CAMTA1: variants seen among roughly 807,000 people sequenced by gnomAD.
CAMTA1 encodes the protein calmodulin binding transcription activator 1.
CAMTA1 carries 27 observed loss-of-function variants against 170.9 expected under a neutral mutation model. That is an observed-to-expected ratio of 0.16 (90% CI 0.12 to 0.22). CAMTA1 has a LOEUF of 0.22. Among genes scored for constraint, CAMTA1 ranks in the 10% least tolerant of loss-of-function variants. The probability of loss-of-function intolerance (pLI) is 1.00; values close to 1 mark genes in which losing one functional copy is unlikely to be tolerated. For missense variants in CAMTA1, 1,619 were observed against 2,217.2 expected, an observed-to-expected ratio of 0.73 and a Z score of 5.42; for synonymous variants, 833 against 891.5, an observed-to-expected ratio of 0.93 and a Z score of 1.17.
At chr1:6,915,734 G>C (rs997264604) in intron 3 of CAMTA1, among the ~76,000 whole-genome samples, 1 of 152,206 alleles carries the variant, frequency 6.6e-6, no homozygotes, top group Non-Finnish European at 1.5e-5. Flanking sequence ...CCACTGGCGT[G>C]GTGAGGAAGA....
intron 5 of CAMTA1, among the ~76,000 whole-genome samples, chr1:7,332,702 G>T (rs1432017806): frequency 2.0e-5 from 3 of 152,200 alleles, no homozygotes; most frequent in Non-Finnish European, 2.9e-5. Flanking sequence ...CAGTGTACTT[G>T]GTGAGCCAAT....
intron 3 of CAMTA1, among the ~76,000 whole-genome samples, chr1:6,857,060 C>G (rs1034930076): frequency 6.6e-6 from 1 of 152,180 alleles, no homozygotes; most frequent in Non-Finnish European, 1.5e-5. Flanking sequence ...ATAGGAGATT[C>G]TTGGACTGTT....
intron 6 of CAMTA1, among the ~76,000 whole-genome samples, chr1:7,627,761 T>A (rs1360876281): frequency 6.6e-6 from 1 of 152,186 alleles, no homozygotes. Flanking sequence ...TTAGATTCTT[T>A]ATGTGTAAAG....
At chr1:7,214,990 G>GTC (rs1315644925) in intron 4 of CAMTA1, among the ~76,000 whole-genome samples, 1 of 151,898 alleles carries the variant, frequency 6.6e-6, no homozygotes, top group African/African-American at 2.4e-5. Flanking sequence ...ATTTGTGCAG[G>GTC]TCTCTTTCTG....
At chr1:7,601,101 C>T (rs1234979064) in intron 6 of CAMTA1, among the ~76,000 whole-genome samples, 2 of 150,650 alleles carry the variant, frequency 1.3e-5, no homozygotes, top group African/African-American at 2.4e-5. Flanking sequence ...GGCGGCTGGC[C>T]GGGCCGGGGG....
At chr1:7,762,450 C>G (rs897822245) in intron 22 of CAMTA1, among the ~76,000 whole-genome samples, 3 of 152,172 alleles carry the variant, frequency 2.0e-5, no homozygotes, top group Non-Finnish European at 4.4e-5. Context: ...TATTCTAAAT[C>G]ACTTTGGTGA....
intron 3 of CAMTA1, among the ~76,000 whole-genome samples, chr1:7,022,485 C>G (rs1701499711): frequency 6.6e-6 from 1 of 152,136 alleles, no homozygotes; most frequent in Non-Finnish European, 1.5e-5. Flanking sequence ...AGAAGCCTCT[C>G]TTTTAAAAAA....
At chr1:6,875,504 C>CT (rs1669581608) in intron 3 of CAMTA1, among the ~76,000 whole-genome samples, 1 of 152,110 alleles carries the variant, frequency 6.6e-6, no homozygotes, top group Non-Finnish European at 1.5e-5. Flanking sequence ...AGGCTGGTCT[C>CT]GAACTTTCCT....
chr1:7,743,720 C>T (rs931491852), intron 16 of CAMTA1, among the ~76,000 whole-genome samples: 6 of 152,050 alleles, frequency 3.9e-5, no homozygotes. Flanking sequence ...TTTCAGTTAC[C>T]ACTCCTAAGA....
intron 5 of CAMTA1, among the ~76,000 whole-genome samples, chr1:7,429,536 T>C (rs917515816): frequency 6.7e-6 from 1 of 149,786 alleles, no homozygotes; most frequent in African/African-American, 2.5e-5. Context: ...ATGGTGATGA[T>C]GGTGATGATG....
chr1:7,315,237 C>T (rs908395159), intron 5 of CAMTA1, among the ~76,000 whole-genome samples: 10 of 152,176 alleles, frequency 6.6e-5, no homozygotes, highest in East Asian at 3.8e-4. Context: ...GAGGGTTGTT[C>T]GGGGCTTGGA....
Position 7,202,327 on chromosome 1 carries a change from T to A in CAMTA1, c.303-47164T>A, listed in dbSNP as rs189966573. ...TTTTGAATTCAGAAAGTGTGAATCCTCCTACTTTGTTCTTTTCTTAGTATT... is the reference window on the plus strand; with the variant it reads ...TTTTGAATTCAGAAAGTGTGAATCCACCTACTTTGTTCTTTTCTTAGTATT... On this transcript the variant is annotated intron_variant, in intron 4 of 22. Transcript: ENST00000303635. Among the ~76,000 whole-genome samples the A allele has an allele frequency of 2.6e-5, 4 of 152,332 alleles. No homozygotes were observed. The East Asian group carries it at 7.7e-4, about 29-fold the overall frequency.
chr1:7,192,889 T>C (rs1320495477), intron 4 of CAMTA1, among the ~76,000 whole-genome samples: 1 of 152,138 alleles, frequency 6.6e-6, no homozygotes, highest in Non-Finnish European at 1.5e-5. Flanking sequence ...CAAGCTTTAG[T>C]CTGAGGTTCT....
chr1:7,116,486 A>G (rs1460205639), intron 4 of CAMTA1, among the ~76,000 whole-genome samples: 5 of 152,148 alleles, frequency 3.3e-5, no homozygotes, highest in Non-Finnish European at 7.3e-5. Context: ...GGGGCAACTT[A>G]TGGACACACT....
rs970331696 is a variant in CAMTA1, at chr1:7,562,657, G to T, written c.511-77743G>T. Among the ~76,000 whole-genome samples the T allele has an allele frequency of 1.3e-5, 2 of 152,210 alleles. No homozygotes were observed. Among genetic ancestry groups the T allele is most frequent in the Non-Finnish European group, 2.9e-5 (2 of 68,042 alleles). On this transcript the variant is annotated intron_variant, in intron 6 of 22. Transcript: ENST00000303635. This position sits in a 1 kb window ranked among gnomAD's most constrained non-coding sequence, Gnocchi z 4.8. ...AACCGTCCGAAGAGATACCCAAATT[G>T]TACGCCACTGCTCAGATGGTTTATC...
At chr1:7,103,928 A>G (rs987424438) in intron 4 of CAMTA1, among the ~76,000 whole-genome samples, 46 of 149,378 alleles carry the variant, frequency 3.1e-4, no homozygotes, top group Non-Finnish European at 2.4e-4. Flanking sequence ...ACATACACAC[A>G]ACTACACACA....
At chr1:7,163,345 G>GGGGT (rs1378662175) in intron 4 of CAMTA1, among the ~76,000 whole-genome samples, 31 of 105,632 alleles carry the variant, frequency 2.9e-4, no homozygotes, top group Non-Finnish European at 4.5e-4. Context: ...GGGAGGCCGG[G>GGGGT]GGGTGGGTGG....
At chr1:7,364,288 AAAC>A (rs1405521103) in intron 5 of CAMTA1, among the ~76,000 whole-genome samples, 17 of 152,156 alleles carry the variant, frequency 1.1e-4, no homozygotes, top group Admixed American at 8.5e-4. Context: ...GGGTAACTAT[AAAC>A]AACATACATT....
intron 5 of CAMTA1, among the ~76,000 whole-genome samples, chr1:7,303,022 G>A (rs1323226319): frequency 6.6e-5 from 10 of 152,194 alleles, no homozygotes; most frequent in Admixed American, 5.9e-4. Flanking sequence ...CTGTGTCTGT[G>A]TCCTCATTCA....
Sources: gnomAD v4.1 joint callset for allele counts (sites outside exome capture counted in the v4.1 genomes callset) on GRCh38, gnomAD v4.1.1 for gene constraint, Gnocchi (gnomAD v3.1) non-coding constraint, MANE v1.5 for transcripts, NCBI Gene and HGNC (gene_info 2026-07-23, HGNC 2026-07-21) for gene names.